USP29: variants seen among roughly 807,000 people sequenced by gnomAD.
USP29 encodes the protein ubiquitin specific peptidase 29.
For missense variants in USP29, 1,102 were observed against 1,069.0 expected, an observed-to-expected ratio of 1.03 and a Z score of -0.43; for synonymous variants, 386 against 387.4, an observed-to-expected ratio of 1.00 and a Z score of 0.04.
intron 1 of USP29, among the ~76,000 whole-genome samples, chr19:57,120,718 T>C (rs1349654759): frequency 3.2e-4 from 37 of 116,396 alleles, no homozygotes; most frequent in African/African-American, 1.2e-3. Flanking sequence ...ACCCCAGAGG[T>C]GGAGGTTGCA....
At chr19:57,125,450 G>A (rs1297095753) in intron 3 of USP29, among the ~76,000 whole-genome samples, 4 of 152,060 alleles carry the variant, frequency 2.6e-5, no homozygotes, top group Admixed American at 2.6e-4. Flanking sequence ...GGATGCTCCT[G>A]TATTGGGTGC....
intron 3 of USP29, among the ~76,000 whole-genome samples, chr19:57,126,442 G>C (rs1599916494): frequency 6.6e-6 from 1 of 151,996 alleles, no homozygotes; most frequent in African/African-American, 2.4e-5. Context: ...GTTTCTTGGA[G>C]CCTTTGTTCA....
intron 2 of USP29, 67 bp downstream of exon 2, chr19:57,122,541 G>GTGTGTGTA (rs1568454331): frequency 6.6e-6 from 1 of 152,058 alleles, no homozygotes; most frequent in African/African-American, 2.4e-5. Context: ...GTGTGTGTGT[G>GTGTGTGTA]TGTGTGTGTG....
Position 57,129,294 on chromosome 19 carries a change from A to G in USP29, c.619A>G (p.Arg207Gly). ...TDSLKYIQSN[R>G]KNPSSLEDLE... ...TTCCTTGAAATATATACAAAGCAAT[A>G]GGAAGAACCCATCAAGTTTAGAGGA... Residue 207 changes from arginine to glycine, a missense_variant, in exon 4 of 4, where the codon AGG (arginine) becomes GGG (glycine). Coordinates refer to ENST00000254181, the MANE Select transcript of USP29 (RefSeq NM_020903.3). The G allele has an allele frequency of 2.5e-6, 4 of 1,614,160 alleles. No individual in the cohort carries two copies. Among genetic ancestry groups the G allele is most frequent in the Non-Finnish European group, 1.7e-6 (2 of 1,180,038 alleles).
chr19:57,128,631 T>C, intron 3 of USP29, 29 bp from the exon 4 acceptor site: 1 of 1,515,456 alleles, frequency 6.6e-7, no homozygotes, highest in South Asian at 1.4e-5. Flanking sequence ...TATTCTTGGT[T>C]AAAATGCATG....
chr19:57,121,327 ATATAT>A (rs911444744), intron 1 of USP29, among the ~76,000 whole-genome samples: 19 of 143,316 alleles, frequency 1.3e-4, no homozygotes, highest in East Asian at 1.0e-3. Flanking sequence ...TTATGTACTT[ATATAT>A]TATATATACT....
chr19:57,131,714 C>A lies in USP29; in HGVS notation c.*270C>A. 4.6e-6 allele frequency: 2 copies of A among 438,820 alleles called. No homozygotes were observed. Among genetic ancestry groups the A allele is most frequent in the East Asian group, 4.4e-5 (1 of 22,800 alleles). The allele number at this position is 438,820 out of a possible 1,614,324, so 27.2% of individuals were successfully genotyped here. ...TTTCAAAATGTTGTTCTTCAACCAG[C>A]AACAGCAACAGCTAGGGACTGATTA... On this transcript the variant is annotated 3_prime_UTR_variant, in exon 4 of 4. Coordinates refer to ENST00000254181, the MANE Select transcript of USP29 (RefSeq NM_020903.3).
Position 57,128,994 on chromosome 19 carries a change from T to G in USP29, c.319T>G (p.Ser107Ala). ...CCTGGACATAATCCACCAAAACAAA[T>G]CTCAGCAACCCATGAAATCTGATGA... ...MFLDIIHQNK[S>A]QQPMKSDDDW... is the part of the protein sequence containing the mutation. The change falls in exon 4 of 4, where the codon TCT becomes GCT. Residue 107 changes from serine (S) to alanine (A), a missense_variant. Physicochemically the swap from Ser to Ala is moderately conservative, Grantham distance 99. Transcript: ENST00000254181. 1.2e-6 allele frequency: 2 copies of G among 1,614,090 alleles called. No homozygotes were observed. The highest frequency in any genetic ancestry group is 1.7e-6 in the Non-Finnish European group (2 of 1,180,032).
chr19:57,130,776 G>T lies in USP29; in HGVS notation c.2101G>T (p.Val701Leu). 1 of 1,614,152 alleles carries T rather than the reference G, an allele frequency of 6.2e-7. No individual in the cohort carries two copies. The highest frequency in any genetic ancestry group is 2.2e-5 in the East Asian group (1 of 44,884). Residue 701 changes from valine (V) to leucine (L), a missense_variant, in exon 4 of 4, where the codon GTA (valine) becomes TTA (leucine). Physicochemically the swap from Val to Leu is conservative, Grantham distance 32. Coordinates refer to ENST00000254181, the MANE Select transcript of USP29 (RefSeq NM_020903.3). ...LQKYEKTNTF[V>L]EFNFDSVTES... Reference sequence around the variant, plus strand: ...GAAGTATGAGAAAACCAATACATTCGTAGAGTTCAATTTTGACAGTGTCAC... The same window carrying T: ...GAAGTATGAGAAAACCAATACATTCTTAGAGTTCAATTTTGACAGTGTCAC...
intron 1 of USP29, among the ~76,000 whole-genome samples, chr19:57,122,014 C>G (rs2086800313): frequency 6.6e-6 from 1 of 151,834 alleles, no homozygotes; most frequent in Admixed American, 6.6e-5. Flanking sequence ...AGAAAGCAGA[C>G]AGATGTGGCA....
At chr19:57,121,718 GTTATATATATATAA>G (rs916028756) in intron 1 of USP29, among the ~76,000 whole-genome samples, 3 of 146,538 alleles carry the variant, frequency 2.0e-5, no homozygotes, top group Non-Finnish European at 3.0e-5. Flanking sequence ...ATACATATAT[GTTATATATATATAA>G]TTATATATAT....
In USP29 at chr19:57,129,009, A is replaced by G; in HGVS notation, c.334A>G (p.Lys112Glu). Reference sequence around the variant, plus strand: ...CCAAAACAAATCTCAGCAACCCATGAAATCTGATGATGATTGGAGTGTGTT... The same window carrying G: ...CCAAAACAAATCTCAGCAACCCATGGAATCTGATGATGATTGGAGTGTGTT... ...IHQNKSQQPM[K>E]SDDDWSVFES... The change falls in exon 4 of 4, where the codon AAA (lysine) becomes GAA (glutamate). Residue 112 changes from lysine to glutamate, a missense_variant. Coordinates refer to ENST00000254181, the MANE Select transcript of USP29 (RefSeq NM_020903.3). 6.2e-7 allele frequency: 1 copy of G among 1,614,180 alleles called. No individual in the cohort carries two copies. Among genetic ancestry groups the G allele is most frequent in the Non-Finnish European group, 8.5e-7 (1 of 1,180,026 alleles).
chr19:57,120,789 A>AG (rs959223114), intron 1 of USP29, among the ~76,000 whole-genome samples: 4 of 52,746 alleles, frequency 7.6e-5, no homozygotes, highest in African/African-American at 4.9e-4. Flanking sequence ...ACTCCGTCTC[A>AG]AAAAAAAAAA....
chr19:57,123,307 A>C (rs1337536691), intron 2 of USP29, among the ~76,000 whole-genome samples: 1 of 152,228 alleles, frequency 6.6e-6, no homozygotes, highest in Non-Finnish European at 1.5e-5. Context: ...CTGTAATAAA[A>C]GTCACTAAAC....
rs1369723183 is a variant in USP29 at position 57,122,436 on chromosome 19, A to C, written c.-156A>C. ...ATAGCAAGATCTCATTTCTGAAAAA[A>C]GAATTATCATCCACTCACCCAGAAC... On this transcript the variant is annotated 5_prime_UTR_variant, in exon 2 of 4. Coordinates refer to ENST00000254181, the MANE Select transcript of USP29 (RefSeq NM_020903.3). 1 of 152,042 alleles carries C rather than the reference A, an allele frequency of 6.6e-6. No homozygotes were observed. The highest frequency in any genetic ancestry group is 1.9e-4 in the East Asian group (1 of 5,180). The allele number at this position is 152,042 out of a possible 1,614,324, so 9.4% of individuals were successfully genotyped here. A position where few individuals can be genotyped will look rare whatever the true frequency, so the allele number is the denominator to read the frequency against.
At chr19:57,128,638 C>T in intron 3 of USP29, 22 bp from the exon 4 acceptor site, 1 of 1,517,466 alleles carries the variant, frequency 6.6e-7, no homozygotes, top group Non-Finnish European at 8.8e-7. Context: ...GGTTAAAATG[C>T]ATGTGTGCTT....
intron 3 of USP29, among the ~76,000 whole-genome samples, chr19:57,126,186 A>AC (rs2086823378): frequency 6.6e-6 from 1 of 152,096 alleles, no homozygotes; most frequent in Non-Finnish European, 1.5e-5. Context: ...GCTGCCCTTA[A>AC]CATTTTTTTC....
At chr19:57,121,086 C>A (rs936371641) in intron 1 of USP29, among the ~76,000 whole-genome samples, 1 of 150,014 alleles carries the variant, frequency 6.7e-6, no homozygotes, top group African/African-American at 2.4e-5. Flanking sequence ...CAGAGTGAGA[C>A]TCCATCCCCG....
upstream of USP29, chr19:57,119,947 C>A (rs913445428): frequency 2.0e-5 from 3 of 152,374 alleles, no homozygotes; most frequent in African/African-American, 7.2e-5. Flanking sequence ...GGGAGGCCTG[C>A]GCCCGGCACT....
Sources: gnomAD v4.1 joint callset for allele counts (sites outside exome capture counted in the v4.1 genomes callset) on GRCh38, gnomAD v4.1.1 for gene constraint, MANE v1.5 for transcripts, NCBI Gene and HGNC (gene_info 2026-07-23, HGNC 2026-07-21) for gene names.